PRELID2: variants seen among roughly 807,000 people sequenced by gnomAD.
PRELID2 encodes PRELI domain-containing protein 2.
In PRELID2, 25 loss-of-function variants were observed where a neutral mutation model predicts 28.4. The observed-to-expected ratio is 0.88, with a 90% confidence interval of 0.64 to 1.23. The LOEUF (loss-of-function observed/expected upper bound fraction) is 1.23. PRELID2 is among the 50% of genes most tolerant of loss of function. The probability of loss-of-function intolerance (pLI) is 0.00; values close to 1 mark genes in which losing one functional copy is unlikely to be tolerated. For synonymous variants in PRELID2, 76 were observed against 71.6 expected, an observed-to-expected ratio of 1.06 and a Z score of -0.31; for missense variants, 201 against 214.4, an observed-to-expected ratio of 0.94 and a Z score of 0.39.
At chr5:145,444,735 T>C in the PRELID2 span, among the ~76,000 whole-genome samples, 1 of 152,034 alleles carries the variant, frequency 6.6e-6, no homozygotes, top group African/African-American at 2.4e-5. Context: ...CCTGAGTCTC[T>C]AACTATATCA....
At chr5:145,601,409 T>C (rs529459348) in intron 1 of PRELID2, among the ~76,000 whole-genome samples, 1 of 151,984 alleles carries the variant, frequency 6.6e-6, no homozygotes, top group African/African-American at 2.4e-5. Flanking sequence ...AATATCAAAA[T>C]AAGTCTAATT....
intron 1 of PRELID2, among the ~76,000 whole-genome samples, chr5:145,736,614 C>G (rs1190199619): frequency 6.6e-6 from 1 of 152,116 alleles, no homozygotes; most frequent in Non-Finnish European, 1.5e-5. Context: ...TAAAATTTTT[C>G]ATCTTCCATA....
chr5:145,723,745 G>A (rs951889539), intron 1 of PRELID2, among the ~76,000 whole-genome samples: 8 of 152,140 alleles, frequency 5.3e-5, no homozygotes, highest in African/African-American at 1.9e-4. Context: ...TTGCTGGTGG[G>A]AATGTAAATG....
At chr5:145,510,599 G>T (rs1004038840) in intron 1 of PRELID2, among the ~76,000 whole-genome samples, 7 of 152,232 alleles carry the variant, frequency 4.6e-5, no homozygotes, top group African/African-American at 1.7e-4. Flanking sequence ...CCCATGGCTA[G>T]AAATAATTTC....
the PRELID2 span, among the ~76,000 whole-genome samples, chr5:145,326,566 G>A: frequency 6.6e-6 from 1 of 152,106 alleles, no homozygotes; most frequent in African/African-American, 2.4e-5. Flanking sequence ...AAAACAATGT[G>A]GTATTGGAGT....
chr5:145,525,858 CCAAA>C (rs1752601722), intron 1 of PRELID2, among the ~76,000 whole-genome samples: 1 of 152,118 alleles, frequency 6.6e-6, no homozygotes, highest in African/African-American at 2.4e-5. Flanking sequence ...TGACTTGAGG[CCAAA>C]CAATGAAGGC....
chr5:145,456,936 T>C, the PRELID2 span, among the ~76,000 whole-genome samples: 169 of 152,268 alleles, frequency 1.1e-3, 1 homozygote, highest in African/African-American at 3.7e-3. Flanking sequence ...AAGCAAATGA[T>C]AAAGGGCAAG....
intron 1 of PRELID2, among the ~76,000 whole-genome samples, chr5:145,531,821 T>C (rs1409379549): frequency 6.6e-6 from 1 of 152,178 alleles, no homozygotes; most frequent in Non-Finnish European, 1.5e-5. Flanking sequence ...GTCCTGTTTC[T>C]ACCATTAAAT....
chr5:145,575,721 T>C (rs1488351034), intron 1 of PRELID2, among the ~76,000 whole-genome samples: 2 of 152,182 alleles, frequency 1.3e-5, no homozygotes, highest in African/African-American at 4.8e-5. Context: ...CCTTCATTAT[T>C]GGTCCCTGAC....
chr5:145,453,544 T>C, the PRELID2 span, among the ~76,000 whole-genome samples: 4 of 152,152 alleles, frequency 2.6e-5, no homozygotes, highest in South Asian at 2.1e-4. Context: ...TACAGTACCA[T>C]GGTGGTTTGC....
the PRELID2 span, among the ~76,000 whole-genome samples, chr5:145,271,423 C>T: frequency 4.3e-4 from 66 of 152,090 alleles, 1 homozygote; most frequent in South Asian, 0.013. Flanking sequence ...ACTATGTTGC[C>T]TAGGCTGGTT....
rs112958431 is a variant in PRELID2, at chr5:145,608,040, G to GTTTT, written n.71-134729_71-134726dup. 2.1e-3 allele frequency among the ~76,000 whole-genome samples: 286 copies of GTTTT among 136,948 alleles called. 2 individuals are homozygous for GTTTT. The highest frequency in any genetic ancestry group is 7.1e-3 in the African/African-American group (271 of 38,248). The allele number at this position is 136,948 out of a possible 152,430, so 89.8% of individuals were successfully genotyped here. ...TTCCATCGTTGTTGATTTAAAGCCC[G>GTTTT]TTTTTTTTTTTTTTCTGAAATTAAA... On this transcript the variant is annotated intron_variant and non_coding_transcript_variant, in intron 1 of 2. Transcript: ENST00000510259.
the PRELID2 span, among the ~76,000 whole-genome samples, chr5:145,336,979 G>A: frequency 8.9e-6 from 1 of 112,126 alleles, no homozygotes; most frequent in Non-Finnish European, 1.7e-5. Context: ...GGGGGAGGGG[G>A]GAGGGATAGC....
At chr5:145,531,569 A>G (rs1399862533) in intron 1 of PRELID2, among the ~76,000 whole-genome samples, 1 of 152,196 alleles carries the variant, frequency 6.6e-6, no homozygotes, top group Non-Finnish European at 1.5e-5. Flanking sequence ...AGCTTAGGCC[A>G]GGAGAACAGG....
At chr5:145,777,621 G>A (rs1417023913) in intron 5 of PRELID2, among the ~76,000 whole-genome samples, 2 of 152,200 alleles carry the variant, frequency 1.3e-5, no homozygotes, top group Non-Finnish European at 2.9e-5. Context: ...GGCCAGGGCT[G>A]CACACTCCAT....
chr5:145,751,432 G>C (rs2163753), downstream of PRELID2, among the ~76,000 whole-genome samples: 3,122 of 152,276 alleles, frequency 0.021, 90 homozygotes, highest in East Asian at 0.077. Context: ...GCAATGTACT[G>C]ATCACAAGTA....
the PRELID2 span, among the ~76,000 whole-genome samples, chr5:145,276,339 T>C: frequency 6.6e-6 from 1 of 152,160 alleles, no homozygotes; most frequent in Non-Finnish European, 1.5e-5. Flanking sequence ...TCTCTCTTTC[T>C]AGCAGTTTAA....
chr5:145,652,272 T>A (rs142466583), intron 1 of PRELID2, among the ~76,000 whole-genome samples: 2 of 152,210 alleles, frequency 1.3e-5, no homozygotes, highest in African/African-American at 4.8e-5. Flanking sequence ...CAAATCTATG[T>A]CTGATTGGCA....
chr5:145,473,119 G>A (rs981301919), intron 2 of PRELID2: 1 of 152,146 alleles, frequency 6.6e-6, no homozygotes, highest in Non-Finnish European at 1.5e-5. Flanking sequence ...ATTCATGGGA[G>A]GTCAAGTGTT....
Sources: allele counts gnomAD v4.1 joint callset (sites outside exome capture counted in the v4.1 genomes callset), GRCh38; gene constraint gnomAD v4.1.1; transcripts MANE v1.5; gene names NCBI Gene and HGNC (gene_info 2026-07-23, HGNC 2026-07-21).